Variants in SPDL1 observed in about 807,000 individuals in gnomAD.
SPDL1 encodes the protein protein Spindly.
In SPDL1, 85 loss-of-function variants were observed where a neutral mutation model predicts 79.5. That is an observed-to-expected ratio of 1.07 (90% CI 0.90 to 1.28). The LOEUF (loss-of-function observed/expected upper bound fraction) is 1.28, where lower values mean the gene tolerates loss of function less well. Among genes scored for constraint, SPDL1 ranks in the 50% most tolerant of loss-of-function variants. The pLI is 0.00. For missense variants in SPDL1, 703 were observed against 697.8 expected (o/e 1.01, Z -0.08); for synonymous variants, 269 against 240.3 (o/e 1.12, Z -1.10).
At position 169,588,521 on chromosome 5, in the gene SPDL1, T is replaced by G; in HGVS notation, c.105T>G (p.Asn35Lys). ...QYGLQLVESQ[N>K]ELQNQLDKCR... ...GTTTACAACTAGTAGAGAGTCAAAA[T>G]GAATTACAGAATCAATTGGATAAAT... The change falls in exon 2 of 12, where the codon AAT becomes AAG. Residue 35 changes from asparagine (N) to lysine (K), a missense_variant. Transcript: ENST00000265295. The G allele has an allele frequency of 1.2e-6, 2 of 1,613,812 alleles. No individual in the cohort carries two copies. The highest frequency in any genetic ancestry group is 1.7e-5 in the Admixed American group (1 of 59,944).
intron 7 of SPDL1, chr5:169,596,236 T>C (rs1755573210): frequency 1.0e-5 from 2 of 192,442 alleles, no homozygotes; most frequent in Non-Finnish European, 2.1e-5. Flanking sequence ...CGAGTGCTTA[T>C]GATAAGCAGT....
intron 7 of SPDL1, chr5:169,595,648 C>G (rs1033960784): frequency 2.0e-5 from 3 of 152,096 alleles, no homozygotes; most frequent in Non-Finnish European, 4.4e-5. Flanking sequence ...TGAGACTCTC[C>G]CCTGTCTGGG....
rs1372255353 is a variant in SPDL1, at chr5:169,591,225, G to A, written c.336+1G>A. The A allele has an allele frequency of 5.6e-6, 9 of 1,611,810 alleles. No individual in the cohort carries two copies. The highest frequency in any genetic ancestry group is 1.7e-5 in the Admixed American group (1 of 59,636). ...GGAAGTGAATGAACTAAAAACTAAGGTTGGGATATCTGCGTATTTCAGCAC... is the reference window on the plus strand; with the variant it reads ...GGAAGTGAATGAACTAAAAACTAAGATTGGGATATCTGCGTATTTCAGCAC... On this transcript the variant is annotated splice_donor_variant, in intron 3 of 11. Transcript: ENST00000265295. LOFTEE classifies it high-confidence loss of function.
chr5:169,596,001 C>T (rs1386826991), intron 7 of SPDL1: 1 of 152,092 alleles, frequency 6.6e-6, no homozygotes, highest in East Asian at 1.9e-4. Context: ...CTTCACAACT[C>T]CAGATTTGGG....
intron 8 of SPDL1, among the ~76,000 whole-genome samples, chr5:169,597,823 A>G (rs1755667512): frequency 6.6e-6 from 1 of 152,208 alleles, no homozygotes. Flanking sequence ...AACTGTTGAA[A>G]GAACTACAAA....
rs1055798908 is a variant in SPDL1, at chr5:169,592,159, C to G, written c.336+935C>G. Among the ~76,000 whole-genome samples, 7 of 150,612 alleles carry G rather than the reference C, an allele frequency of 4.6e-5. 1 individual carries two copies. The South Asian group carries it at 1.5e-3, about 32-fold the overall frequency. On this transcript the variant is annotated intron_variant, in intron 3 of 11. Transcript: ENST00000265295. Reference sequence around the variant, plus strand: ...ATACTATTACTTAATTTCTCATTGACTCTCTTTTAATGTTTACTGATTTTA... The same window carrying G: ...ATACTATTACTTAATTTCTCATTGAGTCTCTTTTAATGTTTACTGATTTTA...
Position 169,601,441 on chromosome 5 carries a change from GA to G in SPDL1, c.1487del (p.Asp496ValfsTer6). 6.2e-7 allele frequency: 1 copy of G among 1,614,100 alleles called. No homozygotes were observed. The highest frequency in any genetic ancestry group is 8.5e-7 in the Non-Finnish European group (1 of 1,180,008). ...ETQSCPNSLEDNNLQLEKSVS... is the reference protein window; with the variant it reads ...ETQSCPNSLEXNNLQLEKSVS... ...ACAGTCCTGCCCTAACAGTTTAGAA[GA>G]TAACAACTTGCAATTAGAAAAATCA... On this transcript the variant is annotated frameshift_variant, in exon 11 of 12. Coordinates refer to ENST00000265295, the MANE Select transcript of SPDL1 (RefSeq NM_017785.5). LOFTEE classifies it high-confidence loss of function.
chr5:169,594,243 G>A lies in SPDL1; in HGVS notation c.630G>A (p.Glu210=), dbSNP rs370771460. Residue 210 remains glutamate, a synonymous_variant, in exon 5 of 12, where the codon GAG becomes GAA. Coordinates refer to ENST00000265295, the MANE Select transcript of SPDL1 (RefSeq NM_017785.5). ...TGCGCCAGGTAGACCGGCTTAAAGA[G>A]GAAAAAGAGGAGCGAGAGAAAGAAG... is the stretch of plus-strand genomic sequence containing the variant. The part of the protein sequence containing the change: ...NLMRQVDRLK[E]EKEEREKEAV... The A allele has an allele frequency of 3.7e-5, 60 of 1,613,936 alleles. No homozygotes were observed. Among genetic ancestry groups the A allele is most frequent in the Non-Finnish European group, 4.7e-5 (55 of 1,179,958 alleles).
chr5:169,584,737 A>G (rs1236104592), intron 1 of SPDL1, among the ~76,000 whole-genome samples: 1 of 151,500 alleles, frequency 6.6e-6, no homozygotes, highest in Non-Finnish European at 1.5e-5. Flanking sequence ...TCGCGTCTTA[A>G]CTTGCGGGTA....
In SPDL1 at chr5:169,598,454, T is replaced by C. The variant is rs775913530; in HGVS notation, c.1033-22T>C. The stretch of plus-strand genomic sequence containing the variant: ...CTTATTTGTTATTTATTTTAAGTAA[T>C]ACAAACTTTTGCTTTTTTAAGAATT... On this transcript the variant is annotated intron_variant, in intron 8 of 11. Coordinates refer to ENST00000265295, the MANE Select transcript of SPDL1 (RefSeq NM_017785.5). 9 of 1,440,666 alleles carry C rather than the reference T, an allele frequency of 6.2e-6. 1 individual carries two copies. The South Asian group carries it at 1.0e-4, about 17-fold the overall frequency. 89.2% of individuals were successfully genotyped at this position (1,440,666 alleles called of 1,614,324 possible).
chr5:169,591,330 C>G, intron 3 of SPDL1, 106 bp downstream of exon 3: 1 of 1,146,256 alleles, frequency 8.7e-7, no homozygotes, highest in Non-Finnish European at 1.2e-6. Context: ...GCAAAATAGC[C>G]AAGATCTAAG....
chr5:169,584,812 C>T (rs1413043979), intron 1 of SPDL1, among the ~76,000 whole-genome samples: 1 of 152,140 alleles, frequency 6.6e-6, no homozygotes, highest in Admixed American at 6.5e-5. Context: ...AGGGAAATAC[C>T]TTCAACCTCT....
rs777858290 is a variant in SPDL1, at chr5:169,584,555, C to T, written c.-24+666C>T. On this transcript the variant is annotated intron_variant, in intron 1 of 11. Coordinates refer to ENST00000265295, the MANE Select transcript of SPDL1 (RefSeq NM_017785.5). Reference sequence around the variant, plus strand: ...TTAAACCAGAAATTAAATAACTTGTCCAAGTTCATGCAGCCAGTGAGTAGT... The same window carrying T: ...TTAAACCAGAAATTAAATAACTTGTTCAAGTTCATGCAGCCAGTGAGTAGT... Among the ~76,000 whole-genome samples the T allele has an allele frequency of 1.2e-3, 184 of 152,286 alleles. 1 individual carries two copies. The highest frequency in any genetic ancestry group is 3.3e-3 in the Admixed American group (51 of 15,300).
intron 8 of SPDL1, among the ~76,000 whole-genome samples, chr5:169,597,863 A>G (rs1011911063): frequency 1.3e-5 from 2 of 152,214 alleles, no homozygotes; most frequent in African/African-American, 2.4e-5. Flanking sequence ...TTATGTTTCC[A>G]TCAGTGGGCT....
At chr5:169,596,908 T>C (rs1755615046) in intron 8 of SPDL1, among the ~76,000 whole-genome samples, 1 of 152,168 alleles carries the variant, frequency 6.6e-6, no homozygotes, top group Non-Finnish European at 1.5e-5. Flanking sequence ...AATGGGTAAT[T>C]CCATCACTTC....
chr5:169,585,510 G>A lies in SPDL1; in HGVS notation c.-24+1621G>A, dbSNP rs995886905. 2.0e-5 allele frequency among the ~76,000 whole-genome samples: 3 copies of A among 152,170 alleles called. No individual in the cohort carries two copies. The South Asian group carries it at 6.2e-4, about 32-fold the overall frequency. ...GGTTAACCCTATTTTTATTTTGGTA[G>A]TTGAGATGACAGTATTTACTTAACT... On this transcript the variant is annotated intron_variant, in intron 1 of 11. Coordinates refer to ENST00000265295, the MANE Select transcript of SPDL1 (RefSeq NM_017785.5).
rs1165403279 is a variant in SPDL1, at chr5:169,594,314, A to G, written c.681+20A>G. On this transcript the variant is annotated intron_variant, in intron 5 of 11. Transcript: ENST00000265295. ...CTAGAGGTACTATGATTACAGTAACATCATGTTTTCCAATTTATCATAACT... is the reference window on the plus strand; with the variant it reads ...CTAGAGGTACTATGATTACAGTAACGTCATGTTTTCCAATTTATCATAACT... 4.3e-6 allele frequency: 7 copies of G among 1,612,838 alleles called. No individual in the cohort carries two copies. In the African/African-American group the frequency reaches 9.4e-5, roughly 22 times the overall value.
intron 7 of SPDL1, chr5:169,595,622 G>C (rs552143398): frequency 6.6e-6 from 1 of 152,274 alleles, no homozygotes. Context: ...TTTCCAGACT[G>C]TGCTGCCTCA....
At chr5:169,603,181 C>T (rs930641414) in intron 11 of SPDL1, among the ~76,000 whole-genome samples, 1 of 152,016 alleles carries the variant, frequency 6.6e-6, no homozygotes, top group African/African-American at 2.4e-5. Context: ...GCCTGTTTAA[C>T]TTAGATACAC....
Sources: gnomAD v4.1 joint callset for allele counts (sites outside exome capture counted in the v4.1 genomes callset) on GRCh38, gnomAD v4.1.1 for gene constraint, MANE v1.5 for transcripts, NCBI Gene and HGNC (gene_info 2026-07-23, HGNC 2026-07-21) for gene names.